Variants in PHF2 observed in about 807,000 individuals in gnomAD.
PHF2 encodes the protein PHD finger protein 2, also known as lysine-specific demethylase PHF2.
PHF2 carries 27 observed loss-of-function variants against 120.5 expected under a neutral mutation model. That is an observed-to-expected ratio of 0.22 (90% CI 0.17 to 0.31). PHF2 has a LOEUF of 0.31. PHF2 is among the 10% of genes least tolerant of loss of function. PHF2 has a pLI of 1.00. For missense variants in PHF2, 1,024 were observed against 1,434.8 expected (o/e 0.71, Z 4.63); for synonymous variants, 568 against 592.5 (o/e 0.96, Z 0.60).
intron 1 of PHF2, among the ~76,000 whole-genome samples, chr9:93,599,671 A>G (rs1825402776): frequency 6.6e-6 from 1 of 152,228 alleles, no homozygotes; most frequent in Non-Finnish European, 1.5e-5. Context: ...CCTTTCCTGG[A>G]CTTCACTAAA....
chr9:93,676,978 G>A lies in PHF2; in HGVS notation c.3202+15G>A, dbSNP rs1200667305. 2 of 1,515,844 alleles carry A rather than the reference G, an allele frequency of 1.3e-6. No individual in the cohort carries two copies. Among genetic ancestry groups the A allele is most frequent in the South Asian group, 2.6e-5 (2 of 77,148 alleles). 93.9% of individuals were successfully genotyped at this position (1,515,844 alleles called of 1,614,324 possible). On this transcript the variant is annotated intron_variant, in intron 21 of 21. Coordinates refer to ENST00000359246, the MANE Select transcript of PHF2 (RefSeq NM_005392.4). ...CGCTGCCAAAGGTACTGTGCCTGCT[G>A]GAGGGAGCCTGCAGCCCCCCTGCCC...
At chr9:93,606,017 G>A (rs767655112) in intron 1 of PHF2, among the ~76,000 whole-genome samples, 14 of 151,276 alleles carry the variant, frequency 9.3e-5, no homozygotes, top group African/African-American at 2.4e-4. Context: ...TCTGTTGCCC[G>A]GGCTGGAGTG....
intron 3 of PHF2, among the ~76,000 whole-genome samples, chr9:93,644,717 T>G (rs1025204913): frequency 6.6e-6 from 1 of 152,104 alleles, no homozygotes; most frequent in African/African-American, 2.4e-5. Flanking sequence ...CCCAGGGGCC[T>G]CTCAAGGAGC....
chr9:93,644,685 C>T (rs1040285696), intron 3 of PHF2, among the ~76,000 whole-genome samples: 4 of 152,166 alleles, frequency 2.6e-5, no homozygotes, highest in Non-Finnish European at 4.4e-5. Context: ...GCTGTTCTAG[C>T]GGGCCCTGTG....
chr9:93,586,822 G>A (rs1272521075), intron 1 of PHF2, among the ~76,000 whole-genome samples: 3 of 152,228 alleles, frequency 2.0e-5, no homozygotes, highest in Admixed American at 6.5e-5. Flanking sequence ...AGACTGCACG[G>A]CCCCTGAAGC....
At chr9:93,577,426 G>T (rs1862846055) in intron 1 of PHF2, among the ~76,000 whole-genome samples, 2 of 152,044 alleles carry the variant, frequency 1.3e-5, no homozygotes, top group African/African-American at 4.8e-5. Context: ...CGAGGTGGCA[G>T]CCGGCGCGCC....
chr9:93,585,496 C>T (rs1395698036), intron 1 of PHF2, among the ~76,000 whole-genome samples: 2 of 152,264 alleles, frequency 1.3e-5, no homozygotes, highest in Non-Finnish European at 2.9e-5. Flanking sequence ...GATCTCCATG[C>T]ATTAAGTGGA....
chr9:93,655,431 C>G (rs553776187), intron 7 of PHF2, among the ~76,000 whole-genome samples: 4 of 152,288 alleles, frequency 2.6e-5, no homozygotes, highest in African/African-American at 9.6e-5. Flanking sequence ...GTGGATTTCC[C>G]AGGGTCTGGC....
intron 2 of PHF2, among the ~76,000 whole-genome samples, chr9:93,630,283 C>A (rs979271620): frequency 9.8e-5 from 15 of 152,350 alleles, no homozygotes; most frequent in Middle Eastern, 3.4e-3. Context: ...CTGGCAGAGG[C>A]AGCTGTGCAA....
At position 93,634,644 on chromosome 9, in the gene PHF2, A is replaced by T. The variant is rs1186028440; in HGVS notation, c.185-1767A>T. Among the ~76,000 whole-genome samples, 12 of 152,320 alleles carry T rather than the reference A, an allele frequency of 7.9e-5. No individual in the cohort carries two copies. The South Asian group carries it at 2.3e-3, about 29-fold the overall frequency. ...AACTGAGCCTTCTCTGTTGATAGTT[A>T]TGAAGGCAGATGCATCCACCTCTCC... is the stretch of plus-strand genomic sequence containing the variant. On this transcript the variant is annotated intron_variant, in intron 2 of 21. Coordinates refer to ENST00000359246, the MANE Select transcript of PHF2 (RefSeq NM_005392.4).
At chr9:93,657,224 G>T (rs1293771242) in intron 9 of PHF2, among the ~76,000 whole-genome samples, 2 of 152,210 alleles carry the variant, frequency 1.3e-5, no homozygotes, top group Non-Finnish European at 2.9e-5. Context: ...TCCTTTCTCG[G>T]TGTGGTTGCT....
chr9:93,668,938 A>G (rs925583818), intron 17 of PHF2, among the ~76,000 whole-genome samples: 2 of 152,264 alleles, frequency 1.3e-5, no homozygotes, highest in African/African-American at 4.8e-5. Context: ...GGCTGCTTGG[A>G]AAAAACTGCT....
chr9:93,616,302 G>A (rs1447027790), intron 1 of PHF2, among the ~76,000 whole-genome samples: 1 of 152,156 alleles, frequency 6.6e-6, no homozygotes, highest in African/African-American at 2.4e-5. Flanking sequence ...TAGATTTGTC[G>A]ATGTGGAATT....
chr9:93,655,805 G>C, intron 7 of PHF2, 129 bp from the exon 8 acceptor site: 2 of 648,628 alleles, frequency 3.1e-6, no homozygotes, highest in Non-Finnish European at 5.5e-6. Context: ...GTGTAGGCGG[G>C]CAGGAGCTGG....
Position 93,576,896 on chromosome 9 carries a change from T to TCGGCCCGGCC in PHF2, c.98+36_98+45dup, listed in dbSNP as rs750115392. On this transcript the variant is annotated intron_variant, in intron 1 of 21. Coordinates refer to ENST00000359246, the MANE Select transcript of PHF2 (RefSeq NM_005392.4). ...GGTGAGCGCGCGGCGGCTGCTCGGC[T>TCGGCCCGGCC]CGGCCCGGCCCGGCCCGGCCACCTT... is the stretch of plus-strand genomic sequence containing the variant. The TCGGCCCGGCC allele has an allele frequency of 8.2e-6, 9 of 1,092,722 alleles. No individual in the cohort carries two copies. In the Admixed American group the frequency reaches 1.7e-4, roughly 21 times the overall value. The allele number at this position is 1,092,722 out of a possible 1,614,324, so 67.7% of individuals were successfully genotyped here.
At chr9:93,592,781 T>C (rs563927212) in intron 1 of PHF2, among the ~76,000 whole-genome samples, 1 of 152,270 alleles carries the variant, frequency 6.6e-6, no homozygotes, top group Admixed American at 6.5e-5. Context: ...GCTCAGGAGC[T>C]GCAGACAGAG....
At chr9:93,599,027 C>T (rs1174272525) in intron 1 of PHF2, among the ~76,000 whole-genome samples, 2 of 152,158 alleles carry the variant, frequency 1.3e-5, no homozygotes, top group Non-Finnish European at 2.9e-5. Flanking sequence ...TCATTTATTG[C>T]ACTGTTGCTC....
chr9:93,625,878 A>C (rs1825907015), intron 1 of PHF2, among the ~76,000 whole-genome samples: 1 of 152,070 alleles, frequency 6.6e-6, no homozygotes, highest in Non-Finnish European at 1.5e-5. Context: ...ATTTTTCCCC[A>C]CAGTGCTTGC....
intron 17 of PHF2, among the ~76,000 whole-genome samples, chr9:93,671,700 A>G (rs1331983700): frequency 1.5e-4 from 15 of 99,968 alleles, no homozygotes; most frequent in East Asian, 3.7e-4. Flanking sequence ...GTGGGTGTGG[A>G]TGTAGGTACA....
Sources: allele counts gnomAD v4.1 joint callset (sites outside exome capture counted in the v4.1 genomes callset), GRCh38; gene constraint gnomAD v4.1.1; transcripts MANE v1.5; gene names NCBI Gene and HGNC (gene_info 2026-07-23, HGNC 2026-07-21).